Variants in HHLA1 observed in about 807,000 individuals in gnomAD.
HHLA1 encodes HERV-H LTR-associating protein 1.
HHLA1 carries 72 observed loss-of-function variants against 69.9 expected under a neutral mutation model. The ratio of observed to expected loss-of-function variants is 1.03; its 90% confidence interval spans 0.85 to 1.25. HHLA1 has a LOEUF of 1.25. HHLA1 is among the 50% of genes most tolerant of loss of function. The pLI is 0.00. For missense variants in HHLA1, 685 were observed against 642.2 expected (o/e 1.07, Z -0.72); for synonymous variants, 252 against 233.2 (o/e 1.08, Z -0.73).
At chr8:132,091,756 G>A (rs1339547017) in intron 7 of HHLA1, among the ~76,000 whole-genome samples, 1 of 152,230 alleles carries the variant, frequency 6.6e-6, no homozygotes, top group African/African-American at 2.4e-5. Flanking sequence ...GTTGGCACAT[G>A]TGAGTGGGAA....
At chr8:132,107,967 G>A (rs1824233472) in intron 1 of HHLA1, among the ~76,000 whole-genome samples, 1 of 152,148 alleles carries the variant, frequency 6.6e-6, no homozygotes, top group Non-Finnish European at 1.5e-5. Flanking sequence ...CAGGGAGAGA[G>A]CCTGGGTTTA....
intron 10 of HHLA1, among the ~76,000 whole-genome samples, chr8:132,082,999 G>C (rs568544480): frequency 6.6e-6 from 1 of 151,598 alleles, no homozygotes; most frequent in African/African-American, 2.4e-5. Flanking sequence ...AGTGGGGTAA[G>C]GGTGATTAGG....
At chr8:132,084,084 G>A (rs925001345) in intron 10 of HHLA1, among the ~76,000 whole-genome samples, 1 of 152,026 alleles carries the variant, frequency 6.6e-6, no homozygotes, top group Non-Finnish European at 1.5e-5. Context: ...TCTGATTTGG[G>A]ATAAAGAAAA....
At chr8:132,074,372 C>T (rs749415988) in intron 14 of HHLA1, among the ~76,000 whole-genome samples, 1 of 151,240 alleles carries the variant, frequency 6.6e-6, no homozygotes. Context: ...AAAGGTGACA[C>T]AGAGGTGTGG....
intron 5 of HHLA1, among the ~76,000 whole-genome samples, chr8:132,098,157 T>C (rs1824052362): frequency 6.6e-6 from 1 of 152,226 alleles, no homozygotes; most frequent in Admixed American, 6.5e-5. Flanking sequence ...TGAGAATAAA[T>C]AGTGAAGGCA....
chr8:132,076,229 T>C, intron 13 of HHLA1, 100 bp from the exon 14 acceptor site: 1 of 923,362 alleles, frequency 1.1e-6, no homozygotes, highest in Non-Finnish European at 1.7e-6. Flanking sequence ...AAATCATTCT[T>C]GAAATCTATA....
rs115073510 is a variant in HHLA1, at chr8:132,079,700, G to C, written c.925+18C>G. On this transcript the variant is annotated intron_variant, in intron 11 of 16. Coordinates refer to ENST00000414222, the MANE Select transcript of HHLA1 (RefSeq NM_001145095.3). Reference sequence around the variant, plus strand: ...CGAGACATAGCAAAGGGGAGGAAAGGGTGAGAATGCATCTTACCCAAGGCT... The same window carrying C: ...CGAGACATAGCAAAGGGGAGGAAAGCGTGAGAATGCATCTTACCCAAGGCT... 2.6e-6 allele frequency: 4 copies of C among 1,532,444 alleles called. No individual in the cohort carries two copies. The Admixed American group carries it at 6.2e-5, about 24-fold the overall frequency. The allele number at this position is 1,532,444 out of a possible 1,614,324, so 94.9% of individuals were successfully genotyped here. A position where few individuals can be genotyped will look rare whatever the true frequency, so the allele number is the denominator to read the frequency against.
intron 7 of HHLA1, among the ~76,000 whole-genome samples, chr8:132,091,301 A>G (rs768013813): frequency 2.0e-4 from 31 of 152,196 alleles, no homozygotes; most frequent in Admixed American, 7.9e-4. Context: ...TCAATTTTGC[A>G]TAGAAGCTAT....
At chr8:132,080,152 C>T in intron 10 of HHLA1, 186 bp from the exon 11 acceptor site, 1 of 782,084 alleles carries the variant, frequency 1.3e-6, no homozygotes, top group Non-Finnish European at 2.2e-6. Context: ...CTTCCACCTC[C>T]AGCCCTCAGC....
chr8:132,105,301 G>T lies in HHLA1; in HGVS notation c.-21-15C>A. 6.7e-7 allele frequency: 1 copy of T among 1,503,342 alleles called. No individual in the cohort carries two copies. The highest frequency in any genetic ancestry group is 9.1e-7 in the Non-Finnish European group (1 of 1,102,670). 93.1% of individuals were successfully genotyped at this position (1,503,342 alleles called of 1,614,324 possible). On this transcript the variant is annotated splice_polypyrimidine_tract_variant and intron_variant, in intron 1 of 16. Coordinates refer to ENST00000414222, the MANE Select transcript of HHLA1 (RefSeq NM_001145095.3). ...CTCTGGCCCACCTGGAATGAAGCAA[G>T]CAAACACTTAGGAAACTAAGCACAT...
In HHLA1 at chr8:132,076,125, A is replaced by T. The variant is rs1484520600; in HGVS notation, c.1245T>A (p.Asp415Glu). 2 of 1,550,414 alleles carry T rather than the reference A, an allele frequency of 1.3e-6. No individual in the cohort carries two copies. Among genetic ancestry groups the T allele is most frequent in the African/African-American group, 2.7e-5 (2 of 73,040 alleles). ...CAGTGAATGGCCACTCTGCAGAGAGATCACCTGCAAAGGGCAGGAATGGCC... is the reference window on the plus strand; with the variant it reads ...CAGTGAATGGCCACTCTGCAGAGAGTTCACCTGCAAAGGGCAGGAATGGCC... ...ATAPRYPQTG[D>E]LSAEWPFTAG... The change falls in exon 14 of 17, where the codon GAT (aspartate) becomes GAA (glutamate). Residue 415 changes from aspartate (D) to glutamate (E), a missense_variant. Physicochemically the swap from Asp to Glu is conservative, Grantham distance 45. Transcript: ENST00000414222.
At chr8:132,090,745 C>T (rs1210864110) in intron 7 of HHLA1, among the ~76,000 whole-genome samples, 2 of 135,288 alleles carry the variant, frequency 1.5e-5, no homozygotes, top group Admixed American at 1.7e-4. Flanking sequence ...TGGGCACCCT[C>T]TTTCTCTCTC....
chr8:132,082,038 GGGTGAATGTCA>G (rs1823761175), intron 10 of HHLA1, among the ~76,000 whole-genome samples: 1 of 152,120 alleles, frequency 6.6e-6, no homozygotes, highest in Admixed American at 6.5e-5. Flanking sequence ...TGGGGAAATG[GGGTGAATGTCA>G]GGTGGATCAG....
At chr8:132,078,046 CA>C (rs1218117963) in intron 11 of HHLA1, 75 bp from the exon 12 acceptor site, 1 of 1,492,272 alleles carries the variant, frequency 6.7e-7, no homozygotes, top group Non-Finnish European at 9.1e-7. Context: ...ATTGCTGAGA[CA>C]TTGAAACGTT....
At chr8:132,081,810 T>A (rs1028383939) in intron 10 of HHLA1, among the ~76,000 whole-genome samples, 3 of 152,176 alleles carry the variant, frequency 2.0e-5, no homozygotes, top group African/African-American at 7.2e-5. Flanking sequence ...GCCTGAATAA[T>A]CCCTGAGGAG....
At chr8:132,101,092 A>G (rs1824103801) in intron 3 of HHLA1, 2 of 1,370,726 alleles carry the variant, frequency 1.5e-6, no homozygotes, top group South Asian at 1.8e-5. Flanking sequence ...AAAAATGACC[A>G]TTGCAACAAT....
chr8:132,106,324 G>C (rs1227568504), intron 1 of HHLA1, among the ~76,000 whole-genome samples: 1 of 152,166 alleles, frequency 6.6e-6, no homozygotes, highest in Non-Finnish European at 1.5e-5. Context: ...GGAATGGGAA[G>C]GCCCTGTGGA....
chr8:132,066,349 C>A (rs867507134), intron 15 of HHLA1, among the ~76,000 whole-genome samples: 2 of 152,160 alleles, frequency 1.3e-5, no homozygotes, highest in Admixed American at 6.5e-5. Context: ...CAGTACCCAG[C>A]ATACAAGAGG....
chr8:132,088,438 A>C (rs1376267124), intron 8 of HHLA1, among the ~76,000 whole-genome samples: 1 of 152,204 alleles, frequency 6.6e-6, no homozygotes, highest in Non-Finnish European at 1.5e-5. Flanking sequence ...TGGAGAAGTT[A>C]CATCAGGTAG....
Sources: allele counts gnomAD v4.1 joint callset (sites outside exome capture counted in the v4.1 genomes callset), GRCh38; gene constraint gnomAD v4.1.1; transcripts MANE v1.5; gene names NCBI Gene and HGNC (gene_info 2026-07-23, HGNC 2026-07-21).